The following TTLL7 variants were observed in gnomAD, a reference collection of about 807,000 sequenced individuals.
TTLL7 encodes tubulin tyrosine ligase like 7.
TTLL7 carries 53 observed loss-of-function variants against 120.2 expected under a neutral mutation model. The ratio of observed to expected loss-of-function variants is 0.44; its 90% CI spans 0.35 to 0.55. TTLL7 has a LOEUF of 0.55. Ranked by LOEUF, TTLL7 falls within the 20% of genes least tolerant of loss-of-function variation. TTLL7 has a pLI of 0.00. For missense variants in TTLL7, 803 were observed against 1,054.7 expected (o/e 0.76, Z 3.31); for synonymous variants, 353 against 351.7 (o/e 1.00, Z -0.04).
At chr1:83,896,948 A>G (rs1433174283) in intron 18 of TTLL7, among the ~76,000 whole-genome samples, 2 of 152,134 alleles carry the variant, frequency 1.3e-5, no homozygotes, top group Non-Finnish European at 2.9e-5. Context: ...GCAGAAAGCT[A>G]AATTATGCAA....
In TTLL7 at chr1:83,911,330, T is replaced by C. The variant is rs1181092661; in HGVS notation, c.1621A>G (p.Met541Val). The change falls in exon 15 of 21, where the codon ATG becomes GTG. Residue 541 changes from methionine (M) to valine (V), a missense_variant. Physicochemically the swap from Met to Val is conservative, Grantham distance 21 (BLOSUM62 1). This residue lies in a region of TTLL7 where 388 missense variants were observed against 450.4 expected (regional missense o/e 0.86). Transcript: ENST00000260505. ...LCSMPESTEIMKRPKYCSSDS... is the reference protein window; with the variant it reads ...LCSMPESTEIVKRPKYCSSDS... ...CTGCTGCAGTACTTTGGTCTTTTCA[T>C]TATCTCAGTACTCTCAGGCATAGAA... The C allele has an allele frequency of 6.2e-7, 1 of 1,613,744 alleles. No homozygotes were observed.
Position 83,900,140 on chromosome 1 carries a change from A to G in TTLL7, c.2208+3939T>C, listed in dbSNP as rs142247297. 129 of 445,090 alleles carry G rather than the reference A, an allele frequency of 2.9e-4. 1 individual carries two copies. The East Asian group carries it at 3.9e-3, about 13-fold the overall frequency. 27.6% of individuals were successfully genotyped at this position (445,090 alleles called of 1,614,324 possible). On this transcript the variant is annotated intron_variant, in intron 18 of 20. Coordinates refer to ENST00000260505, the MANE Select transcript of TTLL7 (RefSeq NM_024686.6). ...TAACAGGCCTTCTCACATCACATGT[A>G]AAAAACAGAATAGCACTGTCTTATT...
At chr1:83,954,708 C>A (rs1022738256) in intron 1 of TTLL7, among the ~76,000 whole-genome samples, 4 of 151,988 alleles carry the variant, frequency 2.6e-5, no homozygotes, top group Non-Finnish European at 4.4e-5. Flanking sequence ...GGTTGAGAAC[C>A]TCTACTGTAA....
chr1:83,892,803 CAT>C (rs1337423729), intron 18 of TTLL7, among the ~76,000 whole-genome samples: 5 of 151,188 alleles, frequency 3.3e-5, no homozygotes, highest in African/African-American at 9.7e-5. Flanking sequence ...CATATGTGAA[CAT>C]ATATATGAAC....
At chr1:83,941,551 T>C (rs889011710) in intron 7 of TTLL7, among the ~76,000 whole-genome samples, 4 of 152,224 alleles carry the variant, frequency 2.6e-5, no homozygotes, top group African/African-American at 9.6e-5. Flanking sequence ...AGCCATTATT[T>C]AATGTTGAAA....
chr1:83,996,544 T>C (rs750062011), intron 1 of TTLL7, among the ~76,000 whole-genome samples: 3 of 152,246 alleles, frequency 2.0e-5, no homozygotes, highest in Non-Finnish European at 2.9e-5. Context: ...CCTCTGATCA[T>C]CCAAGGCTCT....
chr1:83,921,188 A>G, intron 11 of TTLL7, 28 bp from the exon 12 acceptor site: 1 of 1,609,952 alleles, frequency 6.2e-7, no homozygotes, highest in Non-Finnish European at 8.5e-7. Context: ...TTTACAAATA[A>G]AATCCAACAA....
At chr1:83,899,356 T>C (rs1278764114) in intron 18 of TTLL7, among the ~76,000 whole-genome samples, 1 of 151,760 alleles carries the variant, frequency 6.6e-6, no homozygotes, top group African/African-American at 2.4e-5. Flanking sequence ...GCAAGAAAAA[T>C]TGCTACAAAC....
chr1:83,995,937 G>A (rs1482591751), intron 1 of TTLL7, among the ~76,000 whole-genome samples: 2 of 152,022 alleles, frequency 1.3e-5, no homozygotes, highest in Non-Finnish European at 2.9e-5. Flanking sequence ...TTTTAAGCCT[G>A]CTATTAGGCA....
At position 83,893,300 on chromosome 1, in the gene TTLL7, A is replaced by G. The variant is rs1478485202; in HGVS notation, c.2209-2819T>C. Among the ~76,000 whole-genome samples, 3 of 152,160 alleles carry G rather than the reference A, an allele frequency of 2.0e-5. No homozygotes were observed. The East Asian group carries it at 5.8e-4, about 30-fold the overall frequency. ...AGGTCCTAAAAAATTTGTAAACCCC[A>G]AAAAACTGTTTTGTCTAATTCACAT... On this transcript the variant is annotated intron_variant, in intron 18 of 20. Transcript: ENST00000260505.
intron 18 of TTLL7, among the ~76,000 whole-genome samples, chr1:83,897,396 TC>T (rs1656324329): frequency 6.6e-6 from 1 of 152,070 alleles, no homozygotes; most frequent in African/African-American, 2.4e-5. Context: ...ACTCTCAAAA[TC>T]CCTAACAGTG....
intron 1 of TTLL7, among the ~76,000 whole-genome samples, chr1:83,968,976 A>G (rs1361281804): frequency 6.6e-6 from 1 of 152,066 alleles, no homozygotes; most frequent in Non-Finnish European, 1.5e-5. Context: ...TCTTCTGAAC[A>G]TAGTAGGTAC....
chr1:83,942,837 CT>C (rs1358884134), intron 6 of TTLL7, among the ~76,000 whole-genome samples, 158 bp from the exon 7 acceptor site: 2 of 152,198 alleles, frequency 1.3e-5, no homozygotes, highest in East Asian at 3.8e-4. Context: ...TAGGAATCAA[CT>C]TTTTGTAACC....
chr1:83,905,705 C>A (rs1030687259), intron 17 of TTLL7, among the ~76,000 whole-genome samples: 1 of 151,722 alleles, frequency 6.6e-6, no homozygotes. Flanking sequence ...TGAAGAAATG[C>A]GCTTTCACAA....
At position 83,961,655 on chromosome 1, in the gene TTLL7, A is replaced by C. The variant is rs969587982; in HGVS notation, c.-176-9268T>G. ...AATAACAGCTATAACTCGGTTACTAAGGTGACAGAAGACAAGGTTATTTCA... is the reference window on the plus strand; with the variant it reads ...AATAACAGCTATAACTCGGTTACTACGGTGACAGAAGACAAGGTTATTTCA... On this transcript the variant is annotated intron_variant, in intron 1 of 20. Coordinates refer to ENST00000260505, the MANE Select transcript of TTLL7 (RefSeq NM_024686.6). Among the ~76,000 whole-genome samples the C allele has an allele frequency of 2.0e-5, 3 of 152,274 alleles. No homozygotes were observed. In the East Asian group the frequency reaches 5.8e-4, roughly 29 times the overall value.
chr1:83,994,209 T>A (rs1055473616), intron 1 of TTLL7, among the ~76,000 whole-genome samples: 8 of 152,194 alleles, frequency 5.3e-5, no homozygotes, highest in African/African-American at 1.9e-4. Context: ...TTTCATTGTT[T>A]CAAGTCTCTC....
At chr1:83,961,370 A>C (rs1650003370) in intron 1 of TTLL7, among the ~76,000 whole-genome samples, 1 of 152,164 alleles carries the variant, frequency 6.6e-6, no homozygotes, top group African/African-American at 2.4e-5. Context: ...AGTTGGGAAA[A>C]GCCATATGGA....
At chr1:83,871,416 A>T (rs1431117072) in intron 20 of TTLL7, among the ~76,000 whole-genome samples, 1 of 152,184 alleles carries the variant, frequency 6.6e-6, no homozygotes, top group Non-Finnish European at 1.5e-5. Flanking sequence ...AACAAATGCA[A>T]ACAACACTAT....
chr1:83,926,080 C>T (rs1419016604), intron 10 of TTLL7, among the ~76,000 whole-genome samples: 4 of 147,646 alleles, frequency 2.7e-5, no homozygotes, highest in Non-Finnish European at 3.0e-5. Flanking sequence ...AAGAGCGCGC[C>T]ACTGCACTCC....
Sources: gnomAD v4.1 joint callset for allele counts (sites outside exome capture counted in the v4.1 genomes callset) on GRCh38, gnomAD v4.1.1 for gene constraint, gnomAD v4.1.1 regional missense constraint, MANE v1.5 for transcripts, NCBI Gene and HGNC (gene_info 2026-07-23, HGNC 2026-07-21) for gene names.